The following RBPMS variants were observed in gnomAD, a reference collection of about 807,000 sequenced individuals.
RBPMS encodes the protein RNA-binding protein with multiple splicing.
In RBPMS, 7 loss-of-function variants were observed where a neutral mutation model predicts 26.8. The ratio of observed to expected loss-of-function variants is 0.26; its 90% CI spans 0.15 to 0.49. The LOEUF (loss-of-function observed/expected upper bound fraction) is 0.49, where lower values mean the gene tolerates loss of function less well. RBPMS is among the 20% of genes least tolerant of loss of function. The pLI, the probability that RBPMS is intolerant of heterozygous loss-of-function variation, is 0.98. For synonymous variants in RBPMS, 96 were observed against 93.3 expected, an observed-to-expected ratio of 1.03 and a Z score of -0.17; for missense variants, 186 against 250.0, an observed-to-expected ratio of 0.74 and a Z score of 1.73.
intron 5 of RBPMS, among the ~76,000 whole-genome samples, chr8:30,542,126 T>G (rs1825448921): frequency 6.6e-6 from 1 of 152,362 alleles, no homozygotes; most frequent in African/African-American, 2.4e-5. Flanking sequence ...TTATCTCTTT[T>G]AGGCTTCTGC....
chr8:30,466,705 C>T (rs1250221530), intron 1 of RBPMS, among the ~76,000 whole-genome samples: 1 of 151,818 alleles, frequency 6.6e-6, no homozygotes, highest in Non-Finnish European at 1.5e-5. Context: ...GGTGATTCTC[C>T]TGCCTCAGCC....
chr8:30,506,740 A>C (rs1821106518), intron 5 of RBPMS, among the ~76,000 whole-genome samples: 1 of 152,094 alleles, frequency 6.6e-6, no homozygotes, highest in Non-Finnish European at 1.5e-5. Flanking sequence ...GTTTTTTATA[A>C]ATGTTTCTTT....
At chr8:30,446,679 G>T (rs1019198072) in intron 1 of RBPMS, among the ~76,000 whole-genome samples, 3 of 152,092 alleles carry the variant, frequency 2.0e-5, no homozygotes, top group Non-Finnish European at 2.9e-5. Context: ...TGCCTAGGCT[G>T]GAGTGCAGTG....
intron 6 of RBPMS, among the ~76,000 whole-genome samples, chr8:30,549,813 T>TCCCCTCTCTC (rs1455016832): frequency 7.7e-6 from 1 of 130,656 alleles, no homozygotes; most frequent in African/African-American, 3.0e-5. Flanking sequence ...CTCCTCTCTC[T>TCCCCTCTCTC]CTCTCTCTCT....
At chr8:30,443,266 A>C (rs1398670211) in intron 1 of RBPMS, among the ~76,000 whole-genome samples, 3 of 152,238 alleles carry the variant, frequency 2.0e-5, no homozygotes, top group African/African-American at 4.8e-5. Context: ...ACTATTTTAA[A>C]TAGTTTTTTA....
intron 6 of RBPMS, chr8:30,556,535 C>T (rs192582532): frequency 1.9e-5 from 19 of 986,598 alleles, no homozygotes; most frequent in African/African-American, 1.4e-4. Flanking sequence ...TGTGAAACAC[C>T]GTCACGTCTT....
At chr8:30,549,819 T>TC (rs1826196654) in intron 6 of RBPMS, among the ~76,000 whole-genome samples, 32 of 137,992 alleles carry the variant, frequency 2.3e-4, no homozygotes, top group East Asian at 4.2e-4. Context: ...TCTCTCTCTC[T>TC]CTCTCTCTTT....
chr8:30,476,360 A>G (rs1817692492), intron 2 of RBPMS, among the ~76,000 whole-genome samples: 1 of 152,194 alleles, frequency 6.6e-6, no homozygotes, highest in South Asian at 2.1e-4. Flanking sequence ...TATCCCTACC[A>G]GTGGTGTTTT....
chr8:30,521,612 G>T (rs968168687), intron 5 of RBPMS, among the ~76,000 whole-genome samples: 1 of 152,122 alleles, frequency 6.6e-6, no homozygotes, highest in Non-Finnish European at 1.5e-5. Flanking sequence ...TCATATAATT[G>T]TGAGTAACCT....
intron 1 of RBPMS, among the ~76,000 whole-genome samples, chr8:30,429,357 T>C (rs2150660916): frequency 6.6e-6 from 1 of 152,260 alleles, no homozygotes; most frequent in Middle Eastern, 3.4e-3. Flanking sequence ...TTTCCTGGAC[T>C]CCCCAGGCAG....
At chr8:30,476,444 G>C (rs1367038238) in intron 2 of RBPMS, among the ~76,000 whole-genome samples, 1 of 152,152 alleles carries the variant, frequency 6.6e-6, no homozygotes, top group African/African-American at 2.4e-5. Context: ...TTTTTCAGAA[G>C]AGAGCACCTT....
intron 7 of RBPMS, among the ~76,000 whole-genome samples, chr8:30,563,879 G>A (rs1424308067): frequency 6.6e-6 from 1 of 152,170 alleles, no homozygotes; most frequent in Non-Finnish European, 1.5e-5. Context: ...TCACACTGCG[G>A]TGCACCCACC....
At chr8:30,471,201 C>A (rs1339121619) in intron 1 of RBPMS, among the ~76,000 whole-genome samples, 2 of 152,076 alleles carry the variant, frequency 1.3e-5, no homozygotes, top group Non-Finnish European at 2.9e-5. Context: ...CCTCTAAATA[C>A]TTATATGTTG....
At position 30,522,061 on chromosome 8, in the gene RBPMS, T is replaced by C. The variant is rs578005028; in HGVS notation, c.397+17625T>C. On this transcript the variant is annotated intron_variant, in intron 5 of 8. Coordinates refer to ENST00000397323, the MANE Select transcript of RBPMS (RefSeq NM_001008710.3). ...AGAGAGTAGATTTTAAGTGTTCTTA[T>C]CAGAAAAACCTAAGTGTGTGAAGTA... 2.6e-5 allele frequency among the ~76,000 whole-genome samples: 4 copies of C among 152,242 alleles called. No homozygotes were observed. In the South Asian group the frequency reaches 6.2e-4, roughly 24 times the overall value.
intron 2 of RBPMS, among the ~76,000 whole-genome samples, chr8:30,476,406 A>G (rs1817696875): frequency 6.6e-6 from 1 of 152,214 alleles, no homozygotes; most frequent in South Asian, 2.1e-4. Flanking sequence ...TTTGCCTTCA[A>G]GACCTTCATG....
chr8:30,570,435 G>A (rs1176836342), intron 8 of RBPMS, among the ~76,000 whole-genome samples: 3 of 152,216 alleles, frequency 2.0e-5, no homozygotes, highest in Non-Finnish European at 4.4e-5. Flanking sequence ...GGGTTTGTGA[G>A]CGGGAGCCAA....
intron 6 of RBPMS, chr8:30,545,099 G>C: frequency 7.4e-7 from 1 of 1,355,320 alleles, no homozygotes; most frequent in Non-Finnish European, 9.6e-7. Context: ...GCTTCCAGGG[G>C]GGAAGGCTGT....
intron 1 of RBPMS, among the ~76,000 whole-genome samples, chr8:30,416,765 ACC>A (rs1563298204): frequency 6.8e-6 from 1 of 146,800 alleles, no homozygotes; most frequent in East Asian, 2.1e-4. Context: ...GAGCCACTGC[ACC>A]CTGCCTTTTT....
chr8:30,504,623 A>G (rs1288671837), intron 5 of RBPMS, among the ~76,000 whole-genome samples, 187 bp downstream of exon 5: 6 of 152,182 alleles, frequency 3.9e-5, no homozygotes, highest in Non-Finnish European at 7.3e-5. Flanking sequence ...TGGCTTCCCA[A>G]AAGATGGTTC....
Sources: allele counts gnomAD v4.1 joint callset (sites outside exome capture counted in the v4.1 genomes callset), GRCh38; gene constraint gnomAD v4.1.1; transcripts MANE v1.5; gene names NCBI Gene and HGNC (gene_info 2026-07-23, HGNC 2026-07-21).